Variants in MDGA2 observed in about 807,000 individuals in gnomAD.
MDGA2 encodes the protein MAM domain containing glycosylphosphatidylinositol anchor 2, also known as MAM domain-containing glycosylphosphatidylinositol anchor protein 2.
A neutral mutation model predicts 117.8 loss-of-function variants in MDGA2; 40 were observed. The observed-to-expected ratio is 0.34, with a 90% CI of 0.26 to 0.44. The LOEUF is 0.44. Among genes scored for constraint, MDGA2 ranks in the 20% least tolerant of loss-of-function variants. MDGA2 has a pLI of 1.00. For missense variants in MDGA2, 1,123 were observed against 1,250.6 expected, an observed-to-expected ratio of 0.90 and a Z score of 1.54; for synonymous variants, 452 against 439.0, an observed-to-expected ratio of 1.03 and a Z score of -0.37.
intron 1 of MDGA2, among the ~76,000 whole-genome samples, chr14:47,505,621 T>TATG (rs1388369972): frequency 6.6e-6 from 1 of 152,214 alleles, no homozygotes; most frequent in Non-Finnish European, 1.5e-5. Context: ...ACACTATTTT[T>TATG]ATGTCATTAT....
chr14:47,534,638 T>TC (rs952857075), intron 1 of MDGA2, among the ~76,000 whole-genome samples: 2 of 151,754 alleles, frequency 1.3e-5, no homozygotes, highest in Admixed American at 1.3e-4. Context: ...TCCCACCAAG[T>TC]CCCCCCCTCC....
At chr14:46,942,416 T>A (rs1566537287) in intron 9 of MDGA2, among the ~76,000 whole-genome samples, 1 of 152,182 alleles carries the variant, frequency 6.6e-6, no homozygotes, top group Non-Finnish European at 1.5e-5. Context: ...TATTCAGATA[T>A]AATTTACATA....
intron 5 of MDGA2, among the ~76,000 whole-genome samples, chr14:47,129,295 T>A (rs369477135): frequency 3.4e-5 from 5 of 149,010 alleles, no homozygotes; most frequent in Admixed American, 2.0e-4. Flanking sequence ...CCTGTGTCCA[T>A]GTGATCTCAT....
At chr14:47,151,653 G>C (rs1883168779) in intron 3 of MDGA2, among the ~76,000 whole-genome samples, 2 of 151,412 alleles carry the variant, frequency 1.3e-5, no homozygotes, top group African/African-American at 2.4e-5. Context: ...CAAATATCTA[G>C]ATATTAAATA....
intron 7 of MDGA2, among the ~76,000 whole-genome samples, chr14:47,057,072 A>C (rs957582939): frequency 2.0e-5 from 3 of 152,168 alleles, no homozygotes; most frequent in Non-Finnish European, 4.4e-5. Flanking sequence ...ATTTGCTTAT[A>C]TTCATATCAA....
intron 1 of MDGA2, among the ~76,000 whole-genome samples, chr14:47,323,974 G>T (rs935667774): frequency 6.6e-6 from 1 of 151,992 alleles, no homozygotes; most frequent in Non-Finnish European, 1.5e-5. Context: ...GGCCAGGCGT[G>T]GTGGCTCACG....
chr14:47,656,042 T>G (rs529351548), intron 1 of MDGA2, among the ~76,000 whole-genome samples: 1 of 152,308 alleles, frequency 6.6e-6, no homozygotes, highest in South Asian at 2.1e-4. Context: ...ACAAATCACT[T>G]GACAAACAGT....
intron 1 of MDGA2, among the ~76,000 whole-genome samples, chr14:47,381,901 C>T (rs1318715874): frequency 6.6e-6 from 1 of 152,068 alleles, no homozygotes; most frequent in African/African-American, 2.4e-5. Flanking sequence ...CCCACATTGC[C>T]AAGACAATCC....
In MDGA2 at chr14:47,042,324, TTTTTGTG is replaced by T. The variant is rs1375267353; in HGVS notation, c.1526-7027_1526-7021del. 2.4e-5 allele frequency among the ~76,000 whole-genome samples: 3 copies of T among 123,376 alleles called. No individual in the cohort carries two copies. The Admixed American group carries it at 2.5e-4, about 10-fold the overall frequency. The allele number at this position is 123,376 out of a possible 152,430, so 80.9% of individuals were successfully genotyped here. A position where few individuals can be genotyped will look rare whatever the true frequency, so the allele number is the denominator to read the frequency against. ...GAACCAAATCTATGTTTTTTTTTTT[TTTTTGTG>T]TGTGTGTGTGTGTGTATGCACACGC... On this transcript the variant is annotated intron_variant, in intron 7 of 16. Coordinates refer to ENST00000399232, the MANE Select transcript of MDGA2 (RefSeq NM_001113498.3).
rs556438671 is a variant in MDGA2, at chr14:47,310,069, T to G, written c.281-8519A>C. Among the ~76,000 whole-genome samples the G allele has an allele frequency of 2.6e-5, 4 of 152,278 alleles. No homozygotes were observed. The South Asian group carries it at 8.3e-4, about 32-fold the overall frequency. ...TCCACAAAACAACAAGTGTCCTATT[T>G]TTTAAAACAAAGCAATATCAATTCT... On this transcript the variant is annotated intron_variant, in intron 1 of 16. Coordinates refer to ENST00000399232, the MANE Select transcript of MDGA2 (RefSeq NM_001113498.3).
At chr14:47,097,157 T>G (rs1880021418) in intron 5 of MDGA2, 34 bp from the exon 6 acceptor site, 1 of 1,596,256 alleles carries the variant, frequency 6.3e-7, no homozygotes, top group African/African-American at 1.3e-5. Context: ...GTGCACCTAT[T>G]TAGATATGCT....
chr14:47,379,353 A>T (rs1339548467), intron 1 of MDGA2, among the ~76,000 whole-genome samples: 1 of 152,220 alleles, frequency 6.6e-6, no homozygotes, highest in Non-Finnish European at 1.5e-5. Flanking sequence ...GACAGGATCA[A>T]ATTCATACAT....
At chr14:47,300,137 GA>G (rs1889226766) in intron 2 of MDGA2, among the ~76,000 whole-genome samples, 2 of 152,168 alleles carry the variant, frequency 1.3e-5, no homozygotes, top group Admixed American at 1.3e-4. Context: ...AAGAATGGCA[GA>G]AGTTAAAAAC....
At chr14:47,069,266 A>G (rs535769442) in intron 6 of MDGA2, among the ~76,000 whole-genome samples, 7 of 152,276 alleles carry the variant, frequency 4.6e-5, no homozygotes, top group Non-Finnish European at 1.0e-4. Flanking sequence ...GTTCCCATTC[A>G]TGTTTGTATT....
chr14:47,038,733 C>G (rs1888951744), intron 7 of MDGA2, among the ~76,000 whole-genome samples: 2 of 151,366 alleles, frequency 1.3e-5, no homozygotes, highest in Non-Finnish European at 1.5e-5. Flanking sequence ...GTCAGGAGAT[C>G]AAGACCATCC....
At chr14:46,859,767 T>G (rs1881430962) in intron 14 of MDGA2, among the ~76,000 whole-genome samples, 1 of 152,202 alleles carries the variant, frequency 6.6e-6, no homozygotes, top group Non-Finnish European at 1.5e-5. Flanking sequence ...GATCTCATTT[T>G]GATTACAGAT....
intron 1 of MDGA2, among the ~76,000 whole-genome samples, chr14:47,587,238 G>A (rs1051848675): frequency 6.6e-5 from 10 of 151,728 alleles, no homozygotes; most frequent in Admixed American, 1.3e-4. Context: ...GTACAAAAAC[G>A]ACCCATTTCA....
At chr14:46,959,271 G>A (rs1047299200) in intron 8 of MDGA2, among the ~76,000 whole-genome samples, 5,783 of 142,444 alleles carry the variant, frequency 0.041, 395 homozygotes, top group African/African-American at 0.15. Flanking sequence ...GTGTGTGTGT[G>A]TGTGTGTGTG....
chr14:46,873,224 GTGATGATCTA>G, intron 14 of MDGA2, 199 bp downstream of exon 14: 1 of 464,010 alleles, frequency 2.2e-6, no homozygotes, highest in South Asian at 3.5e-5. Context: ...AGGGAGGTAG[GTGATGATCTA>G]AAATGTCAAA....
Sources: allele counts gnomAD v4.1 joint callset (sites outside exome capture counted in the v4.1 genomes callset), GRCh38; gene constraint gnomAD v4.1.1; transcripts MANE v1.5; gene names NCBI Gene and HGNC (gene_info 2026-07-23, HGNC 2026-07-21).